The following TINF2 variants were observed in gnomAD, a reference collection of about 807,000 sequenced individuals.
The protein encoded by TINF2 is TERF1 interacting nuclear factor 2.
Under a neutral mutation model 50.4 loss-of-function variants are expected in TINF2, and 27 were observed. The ratio of observed to expected loss-of-function variants is 0.54; its 90% CI spans 0.40 to 0.74. TINF2 has a LOEUF of 0.74. Ranked by LOEUF, TINF2 falls within the 30% of genes least tolerant of loss-of-function variation. TINF2 has a pLI of 0.00. For missense variants in TINF2, 496 were observed against 551.5 expected (o/e 0.90, Z 1.01); for synonymous variants, 223 against 214.6 (o/e 1.04, Z -0.34).
Position 24,239,929 on chromosome 14 carries a change from T to C in TINF2, c.1224A>G (p.Glu408=). The C allele has an allele frequency of 6.2e-7, 1 of 1,614,186 alleles. No individual in the cohort carries two copies. The highest frequency in any genetic ancestry group is 2.2e-5 in the East Asian group (1 of 44,888). Residue 408 remains glutamate (E), a splice_region_variant and synonymous_variant, in exon 9 of 9, where the codon GAA becomes GAG. Coordinates refer to ENST00000267415, the MANE Select transcript of TINF2 (RefSeq NM_001099274.3). The part of the protein sequence containing the change: ...EEENGQGEGK[E]SLENYQKTKF... Reference sequence around the variant, plus strand: ...TTGTCTTCTGATAGTTTTCCAGAGATTCCTGTAGAGAAGGGAGCAGGGAGA... The same window carrying C: ...TTGTCTTCTGATAGTTTTCCAGAGACTCCTGTAGAGAAGGGAGCAGGGAGA...
intron 8 of TINF2, 62 bp downstream of exon 8, chr14:24,240,002 G>A (rs1228709105): frequency 6.2e-7 from 1 of 1,614,184 alleles, no homozygotes; most frequent in Admixed American, 1.7e-5. Context: ...TCTGAAGCAT[G>A]TGGATTTCTC....
intron 3 of TINF2, 177 bp from the exon 4 acceptor site, chr14:24,241,488 G>T: frequency 3.7e-6 from 3 of 809,140 alleles, no homozygotes; most frequent in Non-Finnish European, 6.2e-6. Flanking sequence ...AATTAGCTGG[G>T]CATTTGTAAT....
At position 24,242,238 on chromosome 14, in the gene TINF2, G is replaced by A. The variant is rs773584916; in HGVS notation, c.95C>T (p.Pro32Leu). The A allele has an allele frequency of 1.9e-6, 3 of 1,614,122 alleles. No homozygotes were observed. The highest frequency in any genetic ancestry group is 2.2e-5 in the East Asian group (1 of 44,900). Reference sequence around the variant, plus strand: ...AGATCGCAGAAACTCCAGTACTCGCGGAAAATGTTCCACGCAGCGTCCGCG... The same window carrying A: ...AGATCGCAGAAACTCCAGTACTCGCAGAAAATGTTCCACGCAGCGTCCGCG... ...VVRGRCVEHF[P>L]RVLEFLRSLR... Residue 32 changes from proline to leucine, a missense_variant, in exon 1 of 9, where the codon CCG becomes CTG. By Grantham distance (98) the Pro-to-Leu change is moderately conservative (BLOSUM62 -3). Around this residue, in one of 3 missense-constraint regions of TINF2, gnomAD observed 314 missense variants for 343.8 expected, o/e 0.91. Coordinates refer to ENST00000267415, the MANE Select transcript of TINF2 (RefSeq NM_001099274.3).
Position 24,241,980 on chromosome 14 carries a change from C to A in TINF2, c.207G>T (p.Leu69=). 6.2e-7 allele frequency: 1 copy of A among 1,614,246 alleles called. No individual in the cohort carries two copies. The part of the protein sequence containing the change: ...MGLKAKVVVE[L]ILQGRPWAQV... Reference sequence around the variant, plus strand: ...GGGCCCAAGGCCGGCCCTGCAGGATCAGCTCCACCACCACCTGTACGGTAC... The same window carrying A: ...GGGCCCAAGGCCGGCCCTGCAGGATAAGCTCCACCACCACCTGTACGGTAC... The change falls in exon 2 of 9, where the codon CTG becomes CTT. Residue 69 remains leucine, a synonymous_variant. Coordinates refer to ENST00000267415, the MANE Select transcript of TINF2 (RefSeq NM_001099274.3).
rs371677798 is a variant in TINF2 at position 24,241,173 on chromosome 14, T to A, written c.507+31A>T. 322 of 1,614,064 alleles carry A rather than the reference T, an allele frequency of 2.0e-4. 1 individual carries two copies. Among genetic ancestry groups the A allele is most frequent in the Non-Finnish European group, 3.6e-5 (42 of 1,179,964 alleles). The stretch of plus-strand genomic sequence containing the variant: ...AATCCTTGAAACAGCCACCCCACAC[T>A]CTGCCCTTACATGTTTTGCCCCAGC... On this transcript the variant is annotated intron_variant, in intron 4 of 8. Transcript: ENST00000267415.
At chr14:24,239,955 G>T (rs1424723607) in intron 8 of TINF2, 24 bp from the exon 9 acceptor site, 1 of 1,614,182 alleles carries the variant, frequency 6.2e-7, no homozygotes, top group Non-Finnish European at 8.5e-7. Flanking sequence ...AGCAGGGAGA[G>T]CCTACTATCC....
Position 24,241,110 on chromosome 14 carries a change from C to G in TINF2, c.514G>C (p.Asp172His). ...CCAGGCTGCATCCAACTCAGCACATCCTGAAGCTGTGGGCAGGGACAGAGG... is the reference window on the plus strand; with the variant it reads ...CCAGGCTGCATCCAACTCAGCACATGCTGAAGCTGTGGGCAGGGACAGAGG... ...LPTPQAQQLQDVLSWMQPGVS... is the reference protein window; with the variant it reads ...LPTPQAQQLQHVLSWMQPGVS... Residue 172 changes from aspartate to histidine, a missense_variant, in exon 5 of 9, where the codon GAT (aspartate) becomes CAT (histidine). This residue lies in a region of TINF2 where 314 missense variants were observed against 343.8 expected (regional missense o/e 0.91). Coordinates refer to ENST00000267415, the MANE Select transcript of TINF2 (RefSeq NM_001099274.3). The G allele has an allele frequency of 6.2e-7, 1 of 1,614,148 alleles. No individual in the cohort carries two copies. Among genetic ancestry groups the G allele is most frequent in the Admixed American group, 1.7e-5 (1 of 60,018 alleles).
Position 24,242,177 on chromosome 14 carries a change from C to A in TINF2, c.156G>T (p.Arg52=). The A allele has an allele frequency of 1.9e-6, 3 of 1,614,272 alleles. No homozygotes were observed. The highest frequency in any genetic ancestry group is 1.1e-5 in the South Asian group (1 of 91,090). The change falls in exon 1 of 9, where the codon CGG becomes CGT. Residue 52 remains arginine (R), a synonymous_variant. Coordinates refer to ENST00000267415, the MANE Select transcript of TINF2 (RefSeq NM_001099274.3). ...RAVAPGLVRY[R]HHERLCMGLK... The stretch of plus-strand genomic sequence containing the variant: ...GGCCCATACAAAGGCGTTCGTGGTG[C>A]CGGTAGCGAACCAAGCCAGGGGCAA...
At chr14:24,240,944 G>C in intron 5 of TINF2, 69 bp from the exon 6 acceptor site, 1 of 1,613,806 alleles carries the variant, frequency 6.2e-7, no homozygotes, top group Non-Finnish European at 8.5e-7. Flanking sequence ...TCTTATGCCC[G>C]GAGCCCATGG....
intron 6 of TINF2, 27 bp downstream of exon 6, chr14:24,240,392 A>T: frequency 6.2e-7 from 1 of 1,614,108 alleles, no homozygotes. Flanking sequence ...ATGTGCTCCT[A>T]GTAAGAAGCA....
chr14:24,240,690 C>T lies in TINF2; in HGVS notation c.790G>A (p.Gly264Ser), dbSNP rs2040556025. Reference protein sequence around the residue: ...AGRHFNLAPLGRRRVQSQWAS... With the variant: ...AGRHFNLAPLSRRRVQSQWAS... ...CATTGGGACTGAACTCTTCGTCGGC[C>T]TAGAGGGGCCAGATTGAAGTGTCGG... Residue 264 changes from glycine (G) to serine (S), a missense_variant, in exon 6 of 9, where the codon GGC becomes AGC. This residue lies in a region of TINF2 where 314 missense variants were observed against 343.8 expected (regional missense o/e 0.91). Transcript: ENST00000267415. The T allele has an allele frequency of 6.2e-7, 1 of 1,614,018 alleles. No homozygotes were observed. The highest frequency in any genetic ancestry group is 8.5e-7 in the Non-Finnish European group (1 of 1,179,960).
chr14:24,240,005 G>T lies in TINF2; in HGVS notation c.1221+59C>A, dbSNP rs995899286. 19 of 1,613,998 alleles carry T rather than the reference G, an allele frequency of 1.2e-5. No individual in the cohort carries two copies. In the African/African-American group the frequency reaches 1.6e-4, roughly 14 times the overall value. Reference sequence around the variant, plus strand: ...AACCCTCTGAATTCTGAAGCATGTGGATTTCTCAGTCTTGTTCTACCCATC... The same window carrying T: ...AACCCTCTGAATTCTGAAGCATGTGTATTTCTCAGTCTTGTTCTACCCATC... On this transcript the variant is annotated intron_variant, in intron 8 of 8. Transcript: ENST00000267415.
At position 24,241,626 on chromosome 14, in the gene TINF2, AAAT is replaced by A. The variant is rs770201480; in HGVS notation, c.399+46_399+48del. On this transcript the variant is annotated intron_variant, in intron 3 of 8. Transcript: ENST00000267415. ...AGCAAGATTCCTCAAAAAAAAAAAAAAATGGGTTAGAGAAAATAGCCACATAAT... is the reference window on the plus strand; with the variant it reads ...AGCAAGATTCCTCAAAAAAAAAAAAAGGGTTAGAGAAAATAGCCACATAAT... 4 of 1,518,228 alleles carry A rather than the reference AAAT, an allele frequency of 2.6e-6. No homozygotes were observed. In the African/African-American group the frequency reaches 5.5e-5, roughly 21 times the overall value. The allele number at this position is 1,518,228 out of a possible 1,614,324, so 94.0% of individuals were successfully genotyped here.
Position 24,241,670 on chromosome 14 carries a change from C to T in TINF2, c.399+5G>A. 1 of 1,607,260 alleles carries T rather than the reference C, an allele frequency of 6.2e-7. No homozygotes were observed. Among genetic ancestry groups the T allele is most frequent in the Non-Finnish European group, 8.5e-7 (1 of 1,175,874 alleles). ...GCCACATAATAGCCTTCAAACCAGTCTCACCTGCAGCTTCGAGGCCAAATC... is the reference window on the plus strand; with the variant it reads ...GCCACATAATAGCCTTCAAACCAGTTTCACCTGCAGCTTCGAGGCCAAATC... On this transcript the variant is annotated splice_donor_5th_base_variant and intron_variant, in intron 3 of 8. Transcript: ENST00000267415.
intron 7 of TINF2, 44 bp downstream of exon 7, chr14:24,240,219 C>G: frequency 6.2e-7 from 1 of 1,614,012 alleles, no homozygotes; most frequent in Non-Finnish European, 8.5e-7. Context: ...TGAGAGTCCC[C>G]AAGAGAGGAG....
chr14:24,241,941 G>A lies in TINF2; in HGVS notation c.246C>T (p.Ala82=). The A allele has an allele frequency of 6.2e-7, 1 of 1,614,182 alleles. No individual in the cohort carries two copies. Among genetic ancestry groups the A allele is most frequent in the South Asian group, 1.1e-5 (1 of 91,086 alleles). The change falls in exon 2 of 9, where the codon GCC becomes GCT. Residue 82 remains alanine, a synonymous_variant. Coordinates refer to ENST00000267415, the MANE Select transcript of TINF2 (RefSeq NM_001099274.3). ...CAGATTCTGGAAAGTGGTGATTCAG[G>A]GCTTTCAGGACTTGGGCCCAAGGCC... ...QGRPWAQVLK[A]LNHHFPESGP...
At chr14:24,240,943 C>G (rs192783373) in intron 5 of TINF2, 68 bp from the exon 6 acceptor site, 1 of 1,613,640 alleles carries the variant, frequency 6.2e-7, no homozygotes. Flanking sequence ...TTCTTATGCC[C>G]GGAGCCCATG....
At chr14:24,240,937 T>C in intron 5 of TINF2, 62 bp from the exon 6 acceptor site, 1 of 1,614,014 alleles carries the variant, frequency 6.2e-7, no homozygotes, top group Non-Finnish European at 8.5e-7. Flanking sequence ...ACTGGTTTCT[T>C]ATGCCCGGAG....
chr14:24,241,295 T>C lies in TINF2; in HGVS notation c.416A>G (p.Tyr139Cys), dbSNP rs1462457100. The C allele has an allele frequency of 6.2e-7, 1 of 1,613,832 alleles. No homozygotes were observed. Among genetic ancestry groups the C allele is most frequent in the Non-Finnish European group, 8.5e-7 (1 of 1,180,036 alleles). Reference protein sequence around the residue: ...ASKLQELEQEYGEPFLAAMEK... With the variant: ...ASKLQELEQECGEPFLAAMEK... ...CATGGCAGCCAGAAAGGGTTCCCCA[T>C]ACTCTTGTTCAAGTTCCTACAGCAG... The change falls in exon 4 of 9, where the codon TAT (tyrosine) becomes TGT (cysteine). Residue 139 changes from tyrosine to cysteine, a missense_variant. Coordinates refer to ENST00000267415, the MANE Select transcript of TINF2 (RefSeq NM_001099274.3).
Sources: gnomAD v4.1 joint callset for allele counts on GRCh38, gnomAD v4.1.1 for gene constraint, gnomAD v4.1.1 regional missense constraint, MANE v1.5 for transcripts, NCBI Gene and HGNC (gene_info 2026-07-23, HGNC 2026-07-21) for gene names.